Variants in PCDH15 observed in about 807,000 individuals in gnomAD.
PCDH15 encodes protocadherin related 15.
In PCDH15, 129 loss-of-function variants were observed where a neutral mutation model predicts 178.5. The observed-to-expected ratio is 0.72, with a 90% CI of 0.63 to 0.84. The LOEUF (loss-of-function observed/expected upper bound fraction) is 0.84, where lower values mean the gene tolerates loss of function less well. Ranked by LOEUF, PCDH15 falls within the 40% of genes least tolerant of loss-of-function variation. PCDH15 has a pLI of 0.00. For missense variants in PCDH15, 2,230 were observed against 2,099.9 expected, an observed-to-expected ratio of 1.06 and a Z score of -1.21; for synonymous variants, 800 against 732.0, an observed-to-expected ratio of 1.09 and a Z score of -1.50.
intron 6 of PCDH15, among the ~76,000 whole-genome samples, chr10:54,339,696 T>TTTTTAACA (rs1273354182): frequency 6.6e-6 from 1 of 152,176 alleles, no homozygotes; most frequent in Non-Finnish European, 1.5e-5. Context: ...ATAAAATCAC[T>TTTTTAACA]TTTTAACAAA....
intron 2 of PCDH15, among the ~76,000 whole-genome samples, chr10:55,433,556 AT>A (rs1247597601): frequency 2.9e-4 from 44 of 152,196 alleles, no homozygotes; most frequent in African/African-American, 9.2e-4. Context: ...CAGCCCATAT[AT>A]CCCTGAACCT....
chr10:55,489,353 T>G (rs1840366453), intron 2 of PCDH15, among the ~76,000 whole-genome samples: 1 of 151,648 alleles, frequency 6.6e-6, no homozygotes, highest in Non-Finnish European at 1.5e-5. Flanking sequence ...ACCTCTGTCT[T>G]AATATACCAT....
intron 15 of PCDH15, among the ~76,000 whole-genome samples, chr10:54,129,758 A>G (rs994670410): frequency 3.3e-5 from 5 of 152,196 alleles, no homozygotes; most frequent in African/African-American, 1.2e-4. Context: ...AGTGGGTCTT[A>G]TGGAACCCTT....
chr10:55,482,612 A>T (rs1396113549), intron 2 of PCDH15, among the ~76,000 whole-genome samples: 3 of 151,518 alleles, frequency 2.0e-5, no homozygotes, highest in Non-Finnish European at 4.4e-5. Flanking sequence ...CTGGATTGGA[A>T]TTTTTTTCCT....
At chr10:54,263,887 G>A (rs1479227784) in intron 8 of PCDH15, among the ~76,000 whole-genome samples, 1 of 152,124 alleles carries the variant, frequency 6.6e-6, no homozygotes, top group African/African-American at 2.4e-5. Flanking sequence ...ATCTGGGTGG[G>A]CACCATCTAA....
intron 25 of PCDH15, among the ~76,000 whole-genome samples, chr10:53,924,347 C>T (rs1340057088): frequency 6.6e-6 from 1 of 152,232 alleles, no homozygotes; most frequent in African/African-American, 2.4e-5. Flanking sequence ...GGAGGGTGCA[C>T]CGGGTCCCCC....
At chr10:54,870,261 A>C (rs781257012) in intron 3 of PCDH15, among the ~76,000 whole-genome samples, 2 of 152,188 alleles carry the variant, frequency 1.3e-5, no homozygotes, top group Non-Finnish European at 2.9e-5. Context: ...AAGATTATTC[A>C]GCTACCATGC....
At chr10:54,177,015 G>T (rs1470338878) in intron 13 of PCDH15, among the ~76,000 whole-genome samples, 3 of 151,548 alleles carry the variant, frequency 2.0e-5, no homozygotes, top group Non-Finnish European at 4.4e-5. Context: ...GCCAAAACTT[G>T]AAAGCAACCA....
At chr10:55,137,025 T>C (rs7905410) in intron 2 of PCDH15, among the ~76,000 whole-genome samples, 58,363 of 151,634 alleles carry the variant, frequency 0.38, 11,956 homozygotes, top group African/African-American at 0.53. Flanking sequence ...TTAAATTTAA[T>C]GATGGTTACA....
chr10:54,835,408 ATC>A (rs1443851510), intron 3 of PCDH15, among the ~76,000 whole-genome samples: 1 of 152,002 alleles, frequency 6.6e-6, no homozygotes, highest in African/African-American at 2.4e-5. Flanking sequence ...CTCCTTCTCC[ATC>A]TCTCTTTCTC....
Position 53,802,914 on chromosome 10 carries a change from A to T in PCDH15, c.*3665T>A, listed in dbSNP as rs1225030546. 2 of 151,972 alleles carry T rather than the reference A, an allele frequency of 1.3e-5. No individual in the cohort carries two copies. The highest frequency in any genetic ancestry group is 4.8e-5 in the African/African-American group (2 of 41,438). 9.4% of individuals were successfully genotyped at this position (151,972 alleles called of 1,614,324 possible). A position where few individuals can be genotyped will look rare whatever the true frequency, so the allele number is the denominator to read the frequency against. The stretch of plus-strand genomic sequence containing the variant: ...ATTTGGATAAAGAAATTGGGAAAGC[A>T]GTGAAGGTGTTGATAGATTTTTCAA... On this transcript the variant is annotated 3_prime_UTR_variant, in exon 38 of 38. Transcript: ENST00000644397.
At chr10:54,576,295 G>A (rs1033287674) in intron 2 of PCDH15, among the ~76,000 whole-genome samples, 2 of 152,184 alleles carry the variant, frequency 1.3e-5, no homozygotes, top group Non-Finnish European at 2.9e-5. Context: ...CATTGGATAT[G>A]TAGACTACTC....
rs531168783 is a variant in PCDH15, at chr10:55,159,458, ATCTC to A, written c.-80+7114_-80+7117del. ...CTACCTATACATACACTATACAAAG[ATCTC>A]TCTCTCTATGTTATGTACACACACA... On this transcript the variant is annotated intron_variant, in intron 2 of 5. Coordinates refer to the PCDH15 transcript ENST00000458638. Among the ~76,000 whole-genome samples, 627 of 147,562 alleles carry A rather than the reference ATCTC, an allele frequency of 4.2e-3. 4 individuals carry two copies. Among genetic ancestry groups the A allele is most frequent in the African/African-American group, 0.014 (579 of 40,122 alleles).
chr10:54,098,262 C>G (rs2094739472), intron 15 of PCDH15, among the ~76,000 whole-genome samples: 1 of 149,088 alleles, frequency 6.7e-6, no homozygotes, highest in Non-Finnish European at 1.5e-5. Context: ...AATACCTGTC[C>G]TAGGTTAAAC....
intron 3 of PCDH15, among the ~76,000 whole-genome samples, chr10:54,413,643 T>C (rs1953891888): frequency 6.6e-6 from 1 of 152,200 alleles, no homozygotes; most frequent in African/African-American, 2.4e-5. Context: ...CAATGTAAGT[T>C]TCATAATTCA....
chr10:54,577,012 C>G (rs7092655), intron 2 of PCDH15, among the ~76,000 whole-genome samples: 119,249 of 151,992 alleles, frequency 0.78, 47,070 homozygotes, highest in East Asian at 0.85. Flanking sequence ...TGGCTGAACA[C>G]CTAGGGGATT....
rs145735080 is a variant in PCDH15 at position 54,538,023 on chromosome 10, C to G, written c.92-10146G>C. Among the ~76,000 whole-genome samples, 22 of 152,130 alleles carry G rather than the reference C, an allele frequency of 1.4e-4. No individual in the cohort carries two copies. In the East Asian group the frequency reaches 3.9e-3, roughly 27 times the overall value. Reference sequence around the variant, plus strand: ...ATAGATTCTGGAGATTAGACCTTTGCGGGTGCATAGTTTGAAAATACTTTC... The same window carrying G: ...ATAGATTCTGGAGATTAGACCTTTGGGGGTGCATAGTTTGAAAATACTTTC... On this transcript the variant is annotated intron_variant, in intron 2 of 37. Coordinates refer to ENST00000644397, the MANE Select transcript of PCDH15 (RefSeq NM_001384140.1).
chr10:55,106,950 G>C (rs1837363964), intron 2 of PCDH15, among the ~76,000 whole-genome samples: 1 of 152,134 alleles, frequency 6.6e-6, no homozygotes. Context: ...TTTGGTGAAG[G>C]GCAGAAGAAT....
At chr10:54,014,802 G>A (rs557849564) in intron 20 of PCDH15, among the ~76,000 whole-genome samples, 2 of 152,174 alleles carry the variant, frequency 1.3e-5, no homozygotes, top group East Asian at 1.9e-4. Flanking sequence ...CACAGCCAAC[G>A]TCACACTGAA....
Sources: gnomAD v4.1 joint callset for allele counts (sites outside exome capture counted in the v4.1 genomes callset) on GRCh38, gnomAD v4.1.1 for gene constraint, MANE v1.5 for transcripts, NCBI Gene and HGNC (gene_info 2026-07-23, HGNC 2026-07-21) for gene names.